Variants in IGSF10 observed in about 807,000 individuals in gnomAD.
IGSF10 encodes immunoglobulin superfamily member 10, also known as calvaria mechanical force protein 608.
In IGSF10, 126 loss-of-function variants were observed where a neutral mutation model predicts 128.2. The observed-to-expected ratio is 0.98, with a 90% CI of 0.85 to 1.14. The LOEUF is 1.14. Among genes scored for constraint, IGSF10 ranks in the 50% most tolerant of loss-of-function variants. The probability of loss-of-function intolerance (pLI) is 0.00; values close to 1 mark genes in which losing one functional copy is unlikely to be tolerated. For missense variants in IGSF10, 3,295 were observed against 3,149.8 expected (o/e 1.05, Z -1.10); for synonymous variants, 1,185 against 1,146.2 (o/e 1.03, Z -0.68).
chr3:151,579,174 T>C, the IGSF10 span, among the ~76,000 whole-genome samples: 1 of 152,196 alleles, frequency 6.6e-6, no homozygotes, highest in Admixed American at 6.5e-5. Flanking sequence ...GGGGTAAATA[T>C]AGCACTAACA....
At chr3:151,500,349 C>T in the IGSF10 span, among the ~76,000 whole-genome samples, 2 of 151,990 alleles carry the variant, frequency 1.3e-5, no homozygotes, top group Non-Finnish European at 2.9e-5. Flanking sequence ...AGGAATTGAC[C>T]AGTATATTTT....
intron 4 of IGSF10, among the ~76,000 whole-genome samples, chr3:151,456,763 A>C (rs180828243): frequency 4.1e-4 from 62 of 152,312 alleles, no homozygotes; most frequent in Non-Finnish European, 7.8e-4. Flanking sequence ...TTTAGGATTA[A>C]ATTTTGAAGG....
the IGSF10 span, among the ~76,000 whole-genome samples, chr3:151,617,819 A>T: frequency 6.6e-6 from 1 of 152,144 alleles, no homozygotes; most frequent in Non-Finnish European, 1.5e-5. Flanking sequence ...TTCTGCCCTC[A>T]TGAATGGATA....
the IGSF10 span, among the ~76,000 whole-genome samples, chr3:151,477,193 T>A: frequency 3.3e-5 from 5 of 152,354 alleles, no homozygotes; most frequent in East Asian, 3.9e-4. Context: ...CCCTTTTTTT[T>A]AATCTCAGCT....
chr3:151,585,982 A>ATT, the IGSF10 span, among the ~76,000 whole-genome samples: 3,193 of 141,952 alleles, frequency 0.022, 48 homozygotes, highest in South Asian at 0.057. Context: ...CACATTAACC[A>ATT]TTTTTTTTTT....
At chr3:151,470,908 A>G in the IGSF10 span, among the ~76,000 whole-genome samples, 1 of 152,088 alleles carries the variant, frequency 6.6e-6, no homozygotes, top group Non-Finnish European at 1.5e-5. Flanking sequence ...TACTTCTCCT[A>G]TCTCCTTCTA....
At chr3:151,451,128 C>CCA (rs1721491078) in intron 5 of IGSF10, among the ~76,000 whole-genome samples, 1 of 152,202 alleles carries the variant, frequency 6.6e-6, no homozygotes, top group African/African-American at 2.4e-5. Context: ...GCAAACCTGA[C>CCA]CATATCACCC....
In IGSF10 at chr3:151,447,995, G is replaced by C. The variant is rs772920590; in HGVS notation, c.1986C>G (p.Val662=). The part of the protein sequence containing the change: ...GVDFLIFQVS[V]KMKGQRPLEH... ...CCAAGGGCCTTTGTCCTTTCATCTTGACTGAAACTTGGAAAATCAAAAAAT... is the reference window on the plus strand; with the variant it reads ...CCAAGGGCCTTTGTCCTTTCATCTTCACTGAAACTTGGAAAATCAAAAAAT... Residue 662 remains valine (V), a synonymous_variant, in exon 6 of 8, where the codon GTC becomes GTG. Coordinates refer to ENST00000282466, the MANE Select transcript of IGSF10 (RefSeq NM_178822.5). The C allele has an allele frequency of 6.2e-7, 1 of 1,614,114 alleles. No homozygotes were observed. Among genetic ancestry groups the C allele is most frequent in the Non-Finnish European group, 8.5e-7 (1 of 1,180,026 alleles).
chr3:151,528,000 A>G, the IGSF10 span, among the ~76,000 whole-genome samples: 1 of 152,150 alleles, frequency 6.6e-6, no homozygotes. Context: ...TCATCAATTA[A>G]TAGCTGCATG....
chr3:151,580,276 G>A, the IGSF10 span, among the ~76,000 whole-genome samples: 12 of 151,958 alleles, frequency 7.9e-5, no homozygotes, highest in Admixed American at 2.0e-4. Flanking sequence ...GACTTTACAC[G>A]TAAGAAAAAC....
chr3:151,477,348 T>TTA, the IGSF10 span, among the ~76,000 whole-genome samples: 6 of 152,158 alleles, frequency 3.9e-5, no homozygotes, highest in Non-Finnish European at 7.4e-5. Context: ...TTATATGCTT[T>TTA]TATATATATA....
chr3:151,515,476 G>C, the IGSF10 span, among the ~76,000 whole-genome samples: 583 of 112,304 alleles, frequency 5.2e-3, 7 homozygotes, highest in African/African-American at 0.019. Flanking sequence ...TTGTGGGGTG[G>C]GGGGAGGGGG....
chr3:151,438,643 A>G, intron 7 of IGSF10, 46 bp from the exon 8 acceptor site: 1 of 1,485,046 alleles, frequency 6.7e-7, no homozygotes, highest in Middle Eastern at 1.8e-4. Context: ...GTTAGCAATG[A>G]GGGAAACTGT....
At chr3:151,498,730 T>C in the IGSF10 span, among the ~76,000 whole-genome samples, 1 of 152,120 alleles carries the variant, frequency 6.6e-6, no homozygotes, top group Non-Finnish European at 1.5e-5. Context: ...AGACAGCCAT[T>C]TCAGAAGCTG....
At chr3:151,618,739 T>A in the IGSF10 span, among the ~76,000 whole-genome samples, 1,710 of 134,128 alleles carry the variant, frequency 0.013, 12 homozygotes, top group Middle Eastern at 0.021. Context: ...CAAAAAAAAA[T>A]AAAAAATAAA....
Position 151,448,406 on chromosome 3 carries a change from A to G in IGSF10, c.1575T>C (p.Asp525=). ...SKVRAPYVSE[D]GRILIDKSGK... is the part of the protein sequence containing the mutation. ...CACTTTTGTCTATTAGGATCCGTCCATCCTCACTGACATAAGGGGCTCTCA... is the reference window on the plus strand; with the variant it reads ...CACTTTTGTCTATTAGGATCCGTCCGTCCTCACTGACATAAGGGGCTCTCA... The change falls in exon 6 of 8, where the codon GAT becomes GAC. Residue 525 remains aspartate, a synonymous_variant. Transcript: ENST00000282466. The G allele has an allele frequency of 1.2e-6, 2 of 1,614,228 alleles. No individual in the cohort carries two copies. The highest frequency in any genetic ancestry group is 2.2e-5 in the South Asian group (2 of 91,086).
the IGSF10 span, among the ~76,000 whole-genome samples, chr3:151,593,371 C>A: frequency 6.6e-6 from 1 of 152,128 alleles, no homozygotes; most frequent in South Asian, 2.1e-4. Flanking sequence ...CTTCACCTCC[C>A]AAAGTGCTGG....
rs138856486 is a variant in IGSF10 at position 151,438,257 on chromosome 3, C to T, written c.6304G>A (p.Gly2102Arg). 4 of 1,613,952 alleles carry T rather than the reference C, an allele frequency of 2.5e-6. No individual in the cohort carries two copies. Among genetic ancestry groups the T allele is most frequent in the Admixed American group, 1.7e-5 (1 of 59,992 alleles). The change falls in exon 8 of 8, where the codon GGA becomes AGA. Residue 2102 changes from glycine (G) to arginine (R), a missense_variant. By Grantham distance (125) the Gly-to-Arg change is moderately radical. Coordinates refer to ENST00000282466, the MANE Select transcript of IGSF10 (RefSeq NM_178822.5). Reference sequence around the variant, plus strand: ...CCAACTTTGTTGAAGTATAAAGTTCCATTGTTGAAAAGGGTATATCTCCTA... The same window carrying T: ...CCAACTTTGTTGAAGTATAAAGTTCTATTGTTGAAAAGGGTATATCTCCTA... ...RTRRYTLFNNGTLYFNKVGVA... is the reference protein window; with the variant it reads ...RTRRYTLFNNRTLYFNKVGVA...
At position 151,446,768 on chromosome 3, in the gene IGSF10, C is replaced by A; in HGVS notation, c.3213G>T (p.Arg1071Ser). The A allele has an allele frequency of 6.2e-7, 1 of 1,614,042 alleles. No individual in the cohort carries two copies. The highest frequency in any genetic ancestry group is 2.2e-5 in the East Asian group (1 of 44,874). The change falls in exon 6 of 8, where the codon AGG becomes AGT. Residue 1071 changes from arginine to serine, a missense_variant. Coordinates refer to ENST00000282466, the MANE Select transcript of IGSF10 (RefSeq NM_178822.5). The stretch of plus-strand genomic sequence containing the variant: ...ACAATGCTGCTGTGGCAGTGGTGAG[C>A]CTCTCCCTGGGAAGACAGGACAGAC... Reference protein sequence around the residue: ...VTCLSCLPRERLTTATAALSF... With the variant: ...VTCLSCLPRESLTTATAALSF...
Sources: gnomAD v4.1 joint callset for allele counts (sites outside exome capture counted in the v4.1 genomes callset) on GRCh38, gnomAD v4.1.1 for gene constraint, MANE v1.5 for transcripts, NCBI Gene and HGNC (gene_info 2026-07-23, HGNC 2026-07-21) for gene names.